Variants in LRRC37A2 observed in about 807,000 individuals in gnomAD.
LRRC37A2 encodes leucine rich repeat containing 37 member A2.
LRRC37A2 carries 9 observed loss-of-function variants against 68.8 expected under a neutral mutation model. The observed-to-expected ratio is 0.13, with a 90% CI of 0.08 to 0.23. The LOEUF is 0.23. LRRC37A2 is among the 10% of genes least tolerant of loss of function. The pLI, the probability that LRRC37A2 is intolerant of heterozygous loss-of-function variation, is 1.00. For synonymous variants in LRRC37A2, 63 were observed against 367.6 expected, an observed-to-expected ratio of 0.17 and a Z score of 9.48; for missense variants, 168 against 950.4, an observed-to-expected ratio of 0.18 and a Z score of 10.82.
chr17:46,975,029 A>G, the LRRC37A2 span, among the ~76,000 whole-genome samples: 2 of 137,666 alleles, frequency 1.5e-5, no homozygotes, highest in African/African-American at 5.6e-5. Flanking sequence ...CAGGGAATCC[A>G]TTTCAGAGAA....
the LRRC37A2 span, chr17:46,937,039 G>A: frequency 6.4e-6 from 1 of 155,278 alleles, no homozygotes; most frequent in African/African-American, 2.4e-5. Context: ...GATATGTGCT[G>A]AGTGACTTGG....
intron 6 of LRRC37A2, among the ~76,000 whole-genome samples, chr17:46,534,438 G>A (rs1412316078): frequency 1.3e-5 from 2 of 148,776 alleles, no homozygotes; most frequent in East Asian, 2.0e-4. Flanking sequence ...GTTTAACAAA[G>A]CACATCTTGC....
the LRRC37A2 span, chr17:46,768,432 T>G: frequency 6.2e-7 from 1 of 1,614,060 alleles, no homozygotes. This position sits in a 1 kb window ranked among gnomAD's most constrained non-coding sequence, Gnocchi z 5.0. Context: ...CCTCGTGTTG[T>G]GGCCCCGGCC....
At chr17:46,898,766 CA>C in the LRRC37A2 span, among the ~76,000 whole-genome samples, 16 of 152,314 alleles carry the variant, frequency 1.1e-4, no homozygotes, top group Admixed American at 2.0e-4. Context: ...GTCATAATAA[CA>C]GCACCTAGCC....
chr17:46,965,532 C>T, the LRRC37A2 span, among the ~76,000 whole-genome samples: 4 of 152,180 alleles, frequency 2.6e-5, no homozygotes, highest in Non-Finnish European at 5.9e-5. Flanking sequence ...TCCCCCTCAA[C>T]GTGACCTAAT....
chr17:46,851,669 G>A, the LRRC37A2 span: 2 of 1,301,090 alleles, frequency 1.5e-6, no homozygotes, highest in South Asian at 2.4e-5. This position sits in a 1 kb window ranked among gnomAD's most constrained non-coding sequence, Gnocchi z 4.3. Context: ...GGCCCTGGCC[G>A]GGCTCTGCCT....
chr17:46,492,210 C>T, the LRRC37A2 span, among the ~76,000 whole-genome samples: 4 of 151,474 alleles, frequency 2.6e-5, no homozygotes, highest in Non-Finnish European at 2.9e-5. Context: ...GGTAATCCGC[C>T]GGCCTCGGCC....
the LRRC37A2 span, among the ~76,000 whole-genome samples, chr17:46,973,926 C>G: frequency 6.6e-6 from 1 of 152,204 alleles, no homozygotes; most frequent in Non-Finnish European, 1.5e-5. Context: ...GAAGCCACCC[C>G]CAAAGCTCAA....
the LRRC37A2 span, among the ~76,000 whole-genome samples, chr17:46,856,918 A>T: frequency 4.6e-5 from 7 of 152,036 alleles, no homozygotes; most frequent in Non-Finnish European, 8.8e-5. Context: ...TTTGCAATCA[A>T]CCCTCTCCCA....
chr17:46,916,529 T>G, the LRRC37A2 span, among the ~76,000 whole-genome samples: 1 of 152,224 alleles, frequency 6.6e-6, no homozygotes, highest in East Asian at 1.9e-4. Flanking sequence ...ATCGGCGAAA[T>G]TTTATTCACA....
At chr17:46,764,588 C>T in the LRRC37A2 span, 3 of 152,298 alleles carry the variant, frequency 2.0e-5, no homozygotes, top group South Asian at 2.1e-4. Flanking sequence ...TCGCTGAATC[C>T]GCCCAGCCAC....
the LRRC37A2 span, among the ~76,000 whole-genome samples, chr17:46,377,561 A>G: frequency 2.5e-5 from 1 of 40,758 alleles, no homozygotes; most frequent in African/African-American, 4.8e-5. Flanking sequence ...TATTCCTCCT[A>G]TCACTGGATC....
At chr17:46,745,562 C>G in the LRRC37A2 span, among the ~76,000 whole-genome samples, 33 of 152,288 alleles carry the variant, frequency 2.2e-4, no homozygotes, top group Middle Eastern at 3.4e-3. Context: ...TTTAAAAGTC[C>G]GGCTTTCTGG....
the LRRC37A2 span, among the ~76,000 whole-genome samples, chr17:46,987,436 C>T: frequency 6.6e-6 from 1 of 152,094 alleles, no homozygotes; most frequent in Non-Finnish European, 1.5e-5. Context: ...TAAAACAACT[C>T]TTTTTTCGCA....
chr17:46,713,861 C>T, the LRRC37A2 span: 1 of 1,611,362 alleles, frequency 6.2e-7, no homozygotes, highest in Non-Finnish European at 8.5e-7. Context: ...AGGCCCTCCT[C>T]ACAGTGGGAA....
chr17:46,888,775 A>G, the LRRC37A2 span, among the ~76,000 whole-genome samples: 1 of 152,158 alleles, frequency 6.6e-6, no homozygotes, highest in Non-Finnish European at 1.5e-5. Context: ...TACCGTTCAT[A>G]GCAGTGAAAA....
chr17:46,991,223 C>G, the LRRC37A2 span, among the ~76,000 whole-genome samples: 1 of 152,154 alleles, frequency 6.6e-6, no homozygotes, highest in Non-Finnish European at 1.5e-5. Flanking sequence ...AACTGGTCTT[C>G]TAAATACTGC....
chr17:47,020,843 G>T, the LRRC37A2 span, among the ~76,000 whole-genome samples: 1 of 144,242 alleles, frequency 6.9e-6, no homozygotes, highest in South Asian at 2.2e-4. Context: ...AAAAAGGGAG[G>T]TATATATAAT....
At chr17:46,739,111 C>T in the LRRC37A2 span, among the ~76,000 whole-genome samples, 5 of 151,050 alleles carry the variant, frequency 3.3e-5, no homozygotes, top group Admixed American at 6.6e-5. Context: ...GGCTCACACC[C>T]GTAATCCCAG....
Sources: gnomAD v4.1 joint callset for allele counts (sites outside exome capture counted in the v4.1 genomes callset) on GRCh38, gnomAD v4.1.1 for gene constraint, Gnocchi (gnomAD v3.1) non-coding constraint, MANE v1.5 for transcripts, NCBI Gene and HGNC (gene_info 2026-07-23, HGNC 2026-07-21) for gene names.